Variants in ING1 observed in about 807,000 individuals in gnomAD.
The protein encoded by ING1 is inhibitor of growth family member 1.
A neutral mutation model predicts 23.1 loss-of-function variants in ING1; 4 were observed. The ratio of observed to expected loss-of-function variants is 0.17; its 90% CI spans 0.09 to 0.40. ING1 has a LOEUF of 0.40. Ranked by LOEUF, ING1 falls within the 10% of genes least tolerant of loss-of-function variation. The pLI, the probability that ING1 is intolerant of heterozygous loss-of-function variation, is 1.00. For missense variants in ING1, 256 were observed against 393.8 expected, an observed-to-expected ratio of 0.65 and a Z score of 2.96; for synonymous variants, 179 against 166.4, an observed-to-expected ratio of 1.08 and a Z score of -0.58.
upstream of ING1, chr13:110,712,900 AAAGG>A (rs2064049618): frequency 6.6e-7 from 1 of 1,520,052 alleles, no homozygotes; most frequent in South Asian, 1.2e-5. Context: ...GAGACGACAC[AAAGG>A]GAGGGCGGTG....
At chr13:110,715,232 C>A (rs918236891) in intron 1 of ING1, 3 of 1,309,470 alleles carry the variant, frequency 2.3e-6, no homozygotes, top group Non-Finnish European at 2.9e-6. Flanking sequence ...TCGGAGTTTA[C>A]TAATGTTTAC....
At position 110,719,083 on chromosome 13, in the gene ING1, G is replaced by A. The variant is rs2064148363; in HGVS notation, c.137-146G>A. ...AGCACAGGAACAGATAGGCCCGGGA[G>A]AGCCTGTGGCTGGTGGGCTTTGTTC... is the stretch of plus-strand genomic sequence containing the variant. On this transcript the variant is annotated intron_variant, in intron 1 of 1. Coordinates refer to ENST00000333219, the MANE Select transcript of ING1 (RefSeq NM_198219.3). This position sits in a 1 kb window ranked among gnomAD's most constrained non-coding sequence, Gnocchi z 8.9. 4.6e-6 allele frequency: 3 copies of A among 656,164 alleles called. No homozygotes were observed. The highest frequency in any genetic ancestry group is 2.9e-5 in the Admixed American group (1 of 34,468). 40.6% of individuals were successfully genotyped at this position (656,164 alleles called of 1,614,324 possible).
rs918761079 is a variant in ING1, at chr13:110,721,419, G to C, written c.*1487G>C. ...TAGGATTACAGGCATGCACCACCACGCCTGGCTAATTTTGTATTTTCAGTA... is the reference window on the plus strand; with the variant it reads ...TAGGATTACAGGCATGCACCACCACCCCTGGCTAATTTTGTATTTTCAGTA... On this transcript the variant is annotated 3_prime_UTR_variant, in exon 2 of 2. Transcript: ENST00000333219. The C allele has an allele frequency of 1.3e-5, 2 of 152,028 alleles. No homozygotes were observed. The highest frequency in any genetic ancestry group is 4.8e-5 in the African/African-American group (2 of 41,364). 9.4% of individuals were successfully genotyped at this position (152,028 alleles called of 1,614,324 possible).
Position 110,719,147 on chromosome 13 carries a change from C to T in ING1, c.137-82C>T. 2 of 1,379,606 alleles carry T rather than the reference C, an allele frequency of 1.4e-6. No homozygotes were observed. Among genetic ancestry groups the T allele is most frequent in the Non-Finnish European group, 2.0e-6 (2 of 997,562 alleles). 85.5% of individuals were successfully genotyped at this position (1,379,606 alleles called of 1,614,324 possible). ...CGCTGGCCCCTAGGCTCCCTGCCAG[C>T]CCTCTCCGTAGACCCGTCCGGGGCC... is the stretch of plus-strand genomic sequence containing the variant. On this transcript the variant is annotated intron_variant, in intron 1 of 1. Coordinates refer to ENST00000333219, the MANE Select transcript of ING1 (RefSeq NM_198219.3). This position sits in a 1 kb window ranked among gnomAD's most constrained non-coding sequence, Gnocchi z 8.9.
At position 110,715,763 on chromosome 13, in the gene ING1, G is replaced by T. The variant is rs200198352; in HGVS notation, c.136+1478G>T. On this transcript the variant is annotated intron_variant, in intron 1 of 1. Coordinates refer to ENST00000333219, the MANE Select transcript of ING1 (RefSeq NM_198219.3). ...GGCGGCGGCTCTCGGGGTGCGGGGC[G>T]AGTCTCCCGCTGGCCTCCTCCCCAT... 9 of 1,584,496 alleles carry T rather than the reference G, an allele frequency of 5.7e-6. No individual in the cohort carries two copies. The East Asian group carries it at 1.6e-4, about 28-fold the overall frequency.
At chr13:110,713,153 C>T (rs975817562), upstream of ING1, 2 of 1,430,488 alleles carry the variant, frequency 1.4e-6, no homozygotes, top group East Asian at 2.5e-5. Flanking sequence ...CCCGCCTCCT[C>T]TTCATCGTGA....
In ING1 at chr13:110,720,171, C is replaced by G. The variant is rs1028624201; in HGVS notation, c.*239C>G. ...AGAAACTACAAATATAGGTTTGATTCAACACTTAAGTCTCAGACTGATTTC... is the reference window on the plus strand; with the variant it reads ...AGAAACTACAAATATAGGTTTGATTGAACACTTAAGTCTCAGACTGATTTC... On this transcript the variant is annotated 3_prime_UTR_variant, in exon 2 of 2. Transcript: ENST00000333219. 1.4e-5 allele frequency: 5 copies of G among 352,222 alleles called. No individual in the cohort carries two copies. In the Admixed American group the frequency reaches 1.9e-4, roughly 13 times the overall value. 21.8% of individuals were successfully genotyped at this position (352,222 alleles called of 1,614,324 possible). A position where few individuals can be genotyped will look rare whatever the true frequency, so the allele number is the denominator to read the frequency against.
rs1005501245 is a variant in ING1, at chr13:110,723,240, G to C, written c.*3308G>C. 15 of 152,044 alleles carry C rather than the reference G, an allele frequency of 9.9e-5. No individual in the cohort carries two copies. Among genetic ancestry groups the C allele is most frequent in the Non-Finnish European group, 1.6e-4 (11 of 67,998 alleles). The allele number at this position is 152,044 out of a possible 1,614,324, so 9.4% of individuals were successfully genotyped here. On this transcript the variant is annotated 3_prime_UTR_variant, in exon 2 of 2. Transcript: ENST00000333219. ...CTTGCCAGTGACTGGGACGTTGGCT[G>C]GTGGTTCTCTTTTGGTGTGATTAGA...
Position 110,719,201 on chromosome 13 carries a change from G to T in ING1, c.137-28G>T. 1 of 1,608,578 alleles carries T rather than the reference G, an allele frequency of 6.2e-7. No individual in the cohort carries two copies. The highest frequency in any genetic ancestry group is 8.5e-7 in the Non-Finnish European group (1 of 1,177,014). Reference sequence around the variant, plus strand: ...TGGGTTGTCCCGGTGTCCTGCTCGCGAGTGACGCCTGTCCTTCTTGCCCCC... The same window carrying T: ...TGGGTTGTCCCGGTGTCCTGCTCGCTAGTGACGCCTGTCCTTCTTGCCCCC... On this transcript the variant is annotated intron_variant, in intron 1 of 1. Coordinates refer to ENST00000333219, the MANE Select transcript of ING1 (RefSeq NM_198219.3). This position sits in a 1 kb window ranked among gnomAD's most constrained non-coding sequence, Gnocchi z 8.9.
chr13:110,715,936 G>C (rs1295908478), intron 1 of ING1: 1 of 1,555,136 alleles, frequency 6.4e-7, no homozygotes, highest in East Asian at 2.3e-5. Flanking sequence ...GCGACCCGCG[G>C]GGCCGGCTCG....
chr13:110,716,081 G>T (rs1001655851), intron 1 of ING1: 1 of 1,433,330 alleles, frequency 7.0e-7, no homozygotes, highest in Non-Finnish European at 9.1e-7. Flanking sequence ...CTGTCCTCGG[G>T]CCGGACGGGC....
At chr13:110,716,525 A>G (rs2064125009) in intron 1 of ING1, among the ~76,000 whole-genome samples, 1 of 152,134 alleles carries the variant, frequency 6.6e-6, no homozygotes, top group Non-Finnish European at 1.5e-5. Flanking sequence ...TTAATTCATA[A>G]ACTTGGATTA....
upstream of ING1, chr13:110,712,785 G>A (rs2064047050): frequency 4.1e-6 from 3 of 724,748 alleles, no homozygotes; most frequent in East Asian, 2.7e-5. Context: ...TAAGGCCTAG[G>A]GAAGGCGCCC....
rs776281724 is a variant in ING1, at chr13:110,719,248, C to T, written c.156C>T (p.Asp52=). ...AKYQEILKEL[D]ECYERFSRET... The stretch of plus-strand genomic sequence containing the variant: ...CCCCAGAGATCCTGAAGGAGCTAGA[C>T]GAGTGCTACGAGCGCTTCAGTCGCG... The change falls in exon 2 of 2, where the codon GAC becomes GAT. Residue 52 remains aspartate, a synonymous_variant. Transcript: ENST00000333219. The surrounding 1 kb of genome is among the most constrained non-coding windows in gnomAD (Gnocchi z 8.9). The T allele has an allele frequency of 5.0e-6, 8 of 1,613,022 alleles. No individual in the cohort carries two copies. Among genetic ancestry groups the T allele is most frequent in the African/African-American group, 2.7e-5 (2 of 74,924 alleles).
rs2064180215 is a variant in ING1 at position 110,722,847 on chromosome 13, A to T, written c.*2915A>T. 6.6e-6 allele frequency: 1 copy of T among 152,212 alleles called. No individual in the cohort carries two copies. Among genetic ancestry groups the T allele is most frequent in the African/African-American group, 2.4e-5 (1 of 41,458 alleles). The allele number at this position is 152,212 out of a possible 1,614,324, so 9.4% of individuals were successfully genotyped here. On this transcript the variant is annotated 3_prime_UTR_variant, in exon 2 of 2. Coordinates refer to ENST00000333219, the MANE Select transcript of ING1 (RefSeq NM_198219.3). ...CATTAAAAAAAAATCACAGATAAGT[A>T]CTTAAAACACTCAAGATTTGGGATT...
intron 1 of ING1, chr13:110,716,145 CT>C: frequency 1.1e-6 from 1 of 877,858 alleles, no homozygotes; most frequent in Non-Finnish European, 1.6e-6. Context: ...GCTGAGACCA[CT>C]TTGATCGTTC....
chr13:110,715,819 C>G, intron 1 of ING1: 1 of 1,584,300 alleles, frequency 6.3e-7, no homozygotes, highest in Non-Finnish European at 8.5e-7. Context: ...GTCGCCCCGG[C>G]CCCTCTCCCC....
chr13:110,714,168 G>T lies in ING1; in HGVS notation c.19G>T (p.Gly7Trp). Reference sequence around the variant, plus strand: ...GTGAACCATGTTGAGTCCTGCCAACGGGGAGCAGCTCCACCTGGTGAACTA... The same window carrying T: ...GTGAACCATGTTGAGTCCTGCCAACTGGGAGCAGCTCCACCTGGTGAACTA... Reference protein sequence around the residue: MLSPANGEQLHLVNYVE... With the variant: MLSPANWEQLHLVNYVE... The change falls in exon 1 of 2, where the codon GGG becomes TGG. Residue 7 changes from glycine to tryptophan, a missense_variant. Gly to Trp is a radical substitution (Grantham distance 184). Coordinates refer to ENST00000333219, the MANE Select transcript of ING1 (RefSeq NM_198219.3). 1.3e-6 allele frequency: 2 copies of T among 1,551,348 alleles called. No individual in the cohort carries two copies. The highest frequency in any genetic ancestry group is 8.7e-7 in the Non-Finnish European group (1 of 1,149,756).
chr13:110,715,489 G>A, intron 1 of ING1: 3 of 1,613,150 alleles, frequency 1.9e-6, no homozygotes, highest in African/African-American at 1.3e-5. Context: ...GGAACGATTG[G>A]TCGCTGAGGC....
Sources: allele counts gnomAD v4.1 joint callset (sites outside exome capture counted in the v4.1 genomes callset), GRCh38; gene constraint gnomAD v4.1.1; non-coding constraint Gnocchi (gnomAD v3.1); transcripts MANE v1.5; gene names NCBI Gene and HGNC (gene_info 2026-07-23, HGNC 2026-07-21).